Variants in CSMD3 observed in about 807,000 individuals in gnomAD.
CSMD3 encodes the protein CUB and sushi domain-containing protein 3.
A neutral mutation model predicts 435.2 loss-of-function variants in CSMD3; 177 were observed. The observed-to-expected ratio is 0.41, with a 90% CI of 0.36 to 0.46. CSMD3 has a LOEUF of 0.46. Among genes scored for constraint, CSMD3 ranks in the 20% least tolerant of loss-of-function variants. CSMD3 has a pLI of 0.34. For synonymous variants in CSMD3, 1,656 were observed against 1,520.5 expected (o/e 1.09, Z -2.07); for missense variants, 4,265 against 4,504.6 (o/e 0.95, Z 1.52).
intron 24 of CSMD3, among the ~76,000 whole-genome samples, chr8:112,560,614 G>A (rs1181925779): frequency 6.6e-6 from 1 of 151,634 alleles, no homozygotes; most frequent in South Asian, 2.1e-4. Flanking sequence ...AACAGCATCA[G>A]AGACATAGCC....
At chr8:112,450,036 TAC>T (rs1292103854) in intron 32 of CSMD3, among the ~76,000 whole-genome samples, 2 of 152,194 alleles carry the variant, frequency 1.3e-5, no homozygotes, top group African/African-American at 4.8e-5. Flanking sequence ...TCATTCCTAT[TAC>T]ACAGTAATAA....
At chr8:112,672,693 A>G (rs1419603066) in intron 16 of CSMD3, among the ~76,000 whole-genome samples, 1 of 152,126 alleles carries the variant, frequency 6.6e-6, no homozygotes, top group Non-Finnish European at 1.5e-5. Flanking sequence ...TGTAGCAATG[A>G]AAACAACAAT....
At chr8:112,911,810 T>G (rs901339928) in intron 10 of CSMD3, among the ~76,000 whole-genome samples, 1 of 147,802 alleles carries the variant, frequency 6.8e-6, no homozygotes, top group Admixed American at 6.8e-5. Flanking sequence ...ATATTATATA[T>G]GTTATGTAAT....
intron 9 of CSMD3, among the ~76,000 whole-genome samples, chr8:112,938,907 A>T (rs2083367033): frequency 6.6e-6 from 1 of 152,156 alleles, no homozygotes; most frequent in African/African-American, 2.4e-5. Flanking sequence ...AACTTCTGGT[A>T]TGTGAGTTTA....
intron 4 of CSMD3, among the ~76,000 whole-genome samples, chr8:113,148,798 A>T (rs1025435244): frequency 1.3e-5 from 2 of 151,770 alleles, no homozygotes; most frequent in African/African-American, 2.4e-5. Flanking sequence ...TTACCTTCAT[A>T]AAAATAATCC....
rs1445938858 is a variant in CSMD3, at chr8:113,199,454, T to C, written c.515-25538A>G. Among the ~76,000 whole-genome samples, 3 of 151,826 alleles carry C rather than the reference T, an allele frequency of 2.0e-5. No individual in the cohort carries two copies. The East Asian group carries it at 5.8e-4, about 29-fold the overall frequency. On this transcript the variant is annotated intron_variant, in intron 3 of 70. Transcript: ENST00000297405. ...GACTATTTTTAAATAAGATGGTTTCTAGTATACAATATGATCTGGGTGGGA... is the reference window on the plus strand; with the variant it reads ...GACTATTTTTAAATAAGATGGTTTCCAGTATACAATATGATCTGGGTGGGA...
At chr8:112,967,424 G>A (rs1360740659) in intron 7 of CSMD3, among the ~76,000 whole-genome samples, 2 of 151,788 alleles carry the variant, frequency 1.3e-5, no homozygotes, top group East Asian at 3.9e-4. Context: ...TCTCCTCCTG[G>A]TGCACTGAGT....
chr8:113,190,030 T>C (rs2092561883), intron 3 of CSMD3, among the ~76,000 whole-genome samples: 1 of 151,666 alleles, frequency 6.6e-6, no homozygotes, highest in Admixed American at 6.6e-5. Context: ...TATAAATTTA[T>C]AATTTTTTTT....
chr8:113,388,416 A>G (rs1306529732), intron 1 of CSMD3, among the ~76,000 whole-genome samples: 3 of 151,650 alleles, frequency 2.0e-5, no homozygotes, highest in Non-Finnish European at 4.4e-5. Context: ...AATTTAAAAC[A>G]GAAGATAATT....
intron 22 of CSMD3, among the ~76,000 whole-genome samples, chr8:112,587,980 G>T (rs1264700384): frequency 2.6e-5 from 4 of 151,854 alleles, no homozygotes; most frequent in Non-Finnish European, 5.9e-5. Context: ...AACAAATTTA[G>T]TTCGAACTTA....
intron 12 of CSMD3, among the ~76,000 whole-genome samples, chr8:112,819,762 TGAC>T (rs1189388925): frequency 1.3e-5 from 2 of 152,140 alleles, no homozygotes; most frequent in African/African-American, 4.8e-5. Context: ...CTTCTCAGAG[TGAC>T]GACATTGTAC....
chr8:112,812,361 G>A (rs1012509862), intron 12 of CSMD3, among the ~76,000 whole-genome samples: 2 of 152,122 alleles, frequency 1.3e-5, no homozygotes, highest in African/African-American at 2.4e-5. Flanking sequence ...CCAAGTGCTG[G>A]CAGGCCACTG....
chr8:112,669,803 A>C (rs2075614582), intron 16 of CSMD3, among the ~76,000 whole-genome samples: 1 of 152,162 alleles, frequency 6.6e-6, no homozygotes, highest in Admixed American at 6.6e-5. Flanking sequence ...TGTGTCAGGC[A>C]CCCTCAGATT....
chr8:113,167,673 C>T (rs921566779), intron 4 of CSMD3, among the ~76,000 whole-genome samples: 1 of 152,210 alleles, frequency 6.6e-6, no homozygotes, highest in Non-Finnish European at 1.5e-5. Context: ...TGACCTGTGA[C>T]ACTTGTGAAG....
chr8:113,203,295 T>C (rs1470227464), intron 3 of CSMD3, among the ~76,000 whole-genome samples: 4 of 152,120 alleles, frequency 2.6e-5, no homozygotes, highest in African/African-American at 9.7e-5. Context: ...TAATTATCTA[T>C]TTTATTTATT....
At chr8:113,215,727 C>T (rs906236733) in intron 3 of CSMD3, among the ~76,000 whole-genome samples, 1 of 151,792 alleles carries the variant, frequency 6.6e-6, no homozygotes, top group Non-Finnish European at 1.5e-5. Context: ...CTTATATGCA[C>T]TTTTCTCTTC....
intron 1 of CSMD3, among the ~76,000 whole-genome samples, chr8:113,399,531 A>G (rs2094500136): frequency 6.7e-6 from 1 of 150,110 alleles, no homozygotes; most frequent in Non-Finnish European, 1.5e-5. Flanking sequence ...TGCTAAATGA[A>G]AAAAAAAAAG....
chr8:112,948,221 T>C (rs1587736406), intron 8 of CSMD3, among the ~76,000 whole-genome samples: 1 of 152,148 alleles, frequency 6.6e-6, no homozygotes, highest in Middle Eastern at 3.4e-3. Context: ...CATTAATCAC[T>C]GGCAACAAAG....
At chr8:113,297,174 C>T (rs1337785748) in intron 2 of CSMD3, among the ~76,000 whole-genome samples, 1 of 151,932 alleles carries the variant, frequency 6.6e-6, no homozygotes, top group Admixed American at 6.6e-5. Context: ...AGAATTTCCA[C>T]GTAGCTATTA....
Sources: gnomAD v4.1 joint callset for allele counts (sites outside exome capture counted in the v4.1 genomes callset) on GRCh38, gnomAD v4.1.1 for gene constraint, MANE v1.5 for transcripts, NCBI Gene and HGNC (gene_info 2026-07-23, HGNC 2026-07-21) for gene names.